Variants in PLIN2 observed in about 807,000 individuals in gnomAD.
The protein encoded by PLIN2 is perilipin 2, also known as perilipin-2.
Under a neutral mutation model 30.6 loss-of-function variants are expected in PLIN2, and 33 were observed. The observed-to-expected ratio is 1.08, with a 90% confidence interval of 0.82 to 1.44. PLIN2 has a LOEUF of 1.44. PLIN2 is among the 40% of genes most tolerant of loss of function. The pLI is 0.00. For missense variants in PLIN2, 610 were observed against 531.8 expected (o/e 1.15, Z -1.45); for synonymous variants, 205 against 201.1 (o/e 1.02, Z -0.16).
chr9:19,119,128 C>T (rs1168912588), intron 6 of PLIN2, among the ~76,000 whole-genome samples: 2 of 152,216 alleles, frequency 1.3e-5, no homozygotes, highest in Non-Finnish European at 2.9e-5. Flanking sequence ...CATGGCAGTA[C>T]AGAATGGTAC....
chr9:19,117,805 G>A (rs1428618987), intron 7 of PLIN2, among the ~76,000 whole-genome samples: 1 of 151,936 alleles, frequency 6.6e-6, no homozygotes, highest in Admixed American at 6.6e-5. Context: ...TTTTAGTAGA[G>A]ACAGGGTTTC....
At chr9:19,126,545 C>A in intron 1 of PLIN2, 97 bp from the exon 2 acceptor site, 3 of 790,968 alleles carry the variant, frequency 3.8e-6, no homozygotes, top group Non-Finnish European at 6.4e-6. Flanking sequence ...GAGAAAAATG[C>A]AGGGTGAGCT....
downstream of PLIN2, chr9:19,115,722 A>G (rs35629534): frequency 0.062 from 9,404 of 152,836 alleles, 330 homozygotes; most frequent in East Asian, 0.11. Context: ...AAGCAGCTCT[A>G]CGAAAGCAAC....
chr9:19,110,475 T>G (rs960373472), intron 2 of PLIN2, among the ~76,000 whole-genome samples: 3 of 148,876 alleles, frequency 2.0e-5, no homozygotes, highest in Non-Finnish European at 4.5e-5. Context: ...TTTCGTTTTG[T>G]TTTGTTTGTT....
At chr9:19,117,997 T>C (rs920104614) in intron 7 of PLIN2, among the ~76,000 whole-genome samples, 1 of 152,192 alleles carries the variant, frequency 6.6e-6, no homozygotes, top group Non-Finnish European at 1.5e-5. Flanking sequence ...AGCCCTCTTC[T>C]GCAAGGAGCA....
rs1379373150 is a variant in PLIN2, at chr9:19,116,128, A to G, written c.*120T>C. 6.8e-6 allele frequency: 6 copies of G among 887,140 alleles called. No homozygotes were observed. The highest frequency in any genetic ancestry group is 4.0e-5 in the South Asian group (2 of 49,534). The allele number at this position is 887,140 out of a possible 1,614,324, so 55.0% of individuals were successfully genotyped here. On this transcript the variant is annotated 3_prime_UTR_variant, in exon 8 of 8. Transcript: ENST00000276914. Reference sequence around the variant, plus strand: ...CTTAATTCAGCTGGAAACAACTACAATTGAGGGCCTTTATACTAGCTACTT... The same window carrying G: ...CTTAATTCAGCTGGAAACAACTACAGTTGAGGGCCTTTATACTAGCTACTT...
chr9:19,117,016 C>G (rs575466755), intron 7 of PLIN2, among the ~76,000 whole-genome samples: 1 of 152,258 alleles, frequency 6.6e-6, no homozygotes, highest in Non-Finnish European at 1.5e-5. Context: ...AATAAAATGA[C>G]AAGACATGAA....
chr9:19,111,801 GT>G (rs1182104909), downstream of PLIN2, among the ~76,000 whole-genome samples: 1 of 151,598 alleles, frequency 6.6e-6, no homozygotes, highest in Non-Finnish European at 1.5e-5. Flanking sequence ...TTCATTAGTT[GT>G]TTTTTTTCCG....
intron 2 of PLIN2, among the ~76,000 whole-genome samples, chr9:19,109,827 A>ATGAC (rs1818136166): frequency 6.6e-6 from 1 of 151,136 alleles, no homozygotes; most frequent in Non-Finnish European, 1.5e-5. Flanking sequence ...ATAGTGGCAG[A>ATGAC]TGACTGTAAT....
At position 19,116,562 on chromosome 9, in the gene PLIN2, C is replaced by T; in HGVS notation, c.1000G>A (p.Gly334Ser). 3 of 1,614,144 alleles carry T rather than the reference C, an allele frequency of 1.9e-6. No individual in the cohort carries two copies. Among genetic ancestry groups the T allele is most frequent in the South Asian group, 1.1e-5 (1 of 91,086 alleles). The change falls in exon 8 of 8, where the codon GGT (glycine) becomes AGT (serine). Residue 334 changes from glycine to serine, a missense_variant. Gly to Ser is a moderately conservative substitution (Grantham distance 56). Coordinates refer to ENST00000276914, the MANE Select transcript of PLIN2 (RefSeq NM_001122.4). ...TGATCTTGGATGTTCTGTGGTACACCTTGGATGTTGGACAGGAGGGTGTGG... is the reference window on the plus strand; with the variant it reads ...TGATCTTGGATGTTCTGTGGTACACTTTGGATGTTGGACAGGAGGGTGTGG... ...TCHTLLSNIQ[G>S]VPQNIQDQAK... is the part of the protein sequence containing the mutation.
At chr9:19,108,478 A>G (rs1183548093) in exon 3 of PLIN2, 3 of 152,598 alleles carry the variant, frequency 2.0e-5, no homozygotes, top group African/African-American at 7.2e-5. Flanking sequence ...AGTTTAGATC[A>G]GAGTGTCATT....
At chr9:19,119,864 A>C (rs1045780661) in intron 5 of PLIN2, 33 bp from the exon 6 acceptor site, 1 of 1,437,340 alleles carries the variant, frequency 7.0e-7, no homozygotes, top group African/African-American at 1.4e-5. Context: ...AAAAAACTTA[A>C]GGGATCACAG....
At chr9:19,120,064 CT>C (rs879608897) in intron 5 of PLIN2, among the ~76,000 whole-genome samples, 224 of 144,020 alleles carry the variant, frequency 1.6e-3, no homozygotes, top group Admixed American at 1.7e-3. Context: ...GAGTAAACTG[CT>C]TTTTTTTTTT....
rs940223909 is a variant in PLIN2 at position 19,126,112 on chromosome 9, A to G, written c.226+2T>C. The stretch of plus-strand genomic sequence containing the variant: ...CTTGCATCTTGAAAAATCAGAACTC[A>G]CTTTGCGGCTCTAGCTTCTGGATGA... On this transcript the variant is annotated splice_donor_variant, in intron 3 of 7. Coordinates refer to ENST00000276914, the MANE Select transcript of PLIN2 (RefSeq NM_001122.4). LOFTEE classifies it high-confidence loss of function. 4 of 1,612,802 alleles carry G rather than the reference A, an allele frequency of 2.5e-6. No homozygotes were observed. The highest frequency in any genetic ancestry group is 1.7e-6 in the Non-Finnish European group (2 of 1,179,012).
At chr9:19,118,227 A>C in intron 7 of PLIN2, 94 bp downstream of exon 7, 1 of 1,214,938 alleles carries the variant, frequency 8.2e-7, no homozygotes, top group Non-Finnish European at 1.2e-6. Flanking sequence ...TTGATAGAGA[A>C]GAGTATTCTA....
chr9:19,117,857 T>C (rs1818254106), intron 7 of PLIN2, among the ~76,000 whole-genome samples: 1 of 152,130 alleles, frequency 6.6e-6, no homozygotes, highest in Non-Finnish European at 1.5e-5. Context: ...GACCTCGTGA[T>C]CTACCCGCCT....
At chr9:19,114,653 C>G (rs937181047), downstream of PLIN2, among the ~76,000 whole-genome samples, 6 of 152,118 alleles carry the variant, frequency 3.9e-5, no homozygotes, top group Non-Finnish European at 8.8e-5. Context: ...ATCTGCCTGC[C>G]TCGGCCTCCC....
chr9:19,109,052 A>C (rs561087848), intron 2 of PLIN2, among the ~76,000 whole-genome samples: 1 of 152,304 alleles, frequency 6.6e-6, no homozygotes, highest in Non-Finnish European at 1.5e-5. Flanking sequence ...TAAAAACAAT[A>C]ATACCCCACT....
Position 19,116,434 on chromosome 9 carries a change from C to A in PLIN2, c.1128G>T (p.Gly376=). Residue 376 remains glycine (G), a synonymous_variant, in exon 8 of 8, where the codon GGG becomes GGT. Transcript: ENST00000276914. The part of the protein sequence containing the change: ...VSDSLLTSSK[G]QLQKMKESLD... ...AAGATTCCTTCATTTTCTGCAGCTG[C>A]CCCTTGCTAGAAGTGAGGAGGCTGT... 6.2e-7 allele frequency: 1 copy of A among 1,614,190 alleles called. No homozygotes were observed. Among genetic ancestry groups the A allele is most frequent in the Non-Finnish European group, 8.5e-7 (1 of 1,180,038 alleles).
Sources: gnomAD v4.1 joint callset for allele counts (sites outside exome capture counted in the v4.1 genomes callset) on GRCh38, gnomAD v4.1.1 for gene constraint, MANE v1.5 for transcripts, NCBI Gene and HGNC (gene_info 2026-07-23, HGNC 2026-07-21) for gene names.